Variants in RNASET2 observed in about 807,000 individuals in gnomAD.
RNASET2 encodes the protein ribonuclease T2, also known as ribonuclease 6.
In RNASET2, 28 loss-of-function variants were observed where a neutral mutation model predicts 33.9. The ratio of observed to expected loss-of-function variants is 0.83; its 90% CI spans 0.61 to 1.13. The LOEUF (loss-of-function observed/expected upper bound fraction) is 1.13. RNASET2 is among the 50% of genes most tolerant of loss of function. RNASET2 has a pLI of 0.00. For missense variants in RNASET2, 330 were observed against 319.9 expected, an observed-to-expected ratio of 1.03 and a Z score of -0.24; for synonymous variants, 123 against 121.0, an observed-to-expected ratio of 1.02 and a Z score of -0.11.
chr6:166,950,679 G>C (rs1342061348), intron 2 of RNASET2, among the ~76,000 whole-genome samples: 1 of 152,212 alleles, frequency 6.6e-6, no homozygotes, highest in African/African-American at 2.4e-5. Flanking sequence ...CTGGCTCTGG[G>C]TGCTCCAATG....
intron 1 of RNASET2, among the ~76,000 whole-genome samples, chr6:166,953,870 AC>A (rs1779044450): frequency 6.8e-6 from 1 of 147,044 alleles, no homozygotes; most frequent in Non-Finnish European, 1.5e-5. Context: ...ACACAGCCAG[AC>A]CCTGTCTCAA....
chr6:166,946,206 G>A (rs1778838905), intron 4 of RNASET2, among the ~76,000 whole-genome samples: 1 of 152,248 alleles, frequency 6.6e-6, no homozygotes, highest in East Asian at 1.9e-4. Context: ...GGCCCAGCAT[G>A]TCCACCTGCT....
intron 1 of RNASET2, 51 bp downstream of exon 1, chr6:166,956,046 C>A: frequency 6.6e-7 from 1 of 1,519,262 alleles, no homozygotes; most frequent in Non-Finnish European, 8.9e-7. Context: ...CAGTGGAAAG[C>A]TCTAGGGCCC....
chr6:166,952,765 G>C, intron 1 of RNASET2: 1 of 542,750 alleles, frequency 1.8e-6, no homozygotes, highest in Non-Finnish European at 3.4e-6. Context: ...GAGTGGCGGA[G>C]AACATGAATA....
At chr6:166,936,261 G>A (rs371778980) in intron 6 of RNASET2, among the ~76,000 whole-genome samples, 4 of 152,156 alleles carry the variant, frequency 2.6e-5, no homozygotes, top group East Asian at 3.8e-4. Flanking sequence ...AATGGAGGAC[G>A]CACCATTCCC....
At position 166,956,088 on chromosome 6, in the gene RNASET2, G is replaced by A. The variant is rs1455840781; in HGVS notation, c.86+9C>T. On this transcript the variant is annotated intron_variant, in intron 1 of 8. Transcript: ENST00000508775. Reference sequence around the variant, plus strand: ...CACGCTCCCCACTTTACCTCGCAAGGTAACTCACCGCAGGCGCTTGTCCGC... The same window carrying A: ...CACGCTCCCCACTTTACCTCGCAAGATAACTCACCGCAGGCGCTTGTCCGC... 1.9e-6 allele frequency: 3 copies of A among 1,551,778 alleles called. No homozygotes were observed. The highest frequency in any genetic ancestry group is 2.4e-5 in the East Asian group (1 of 40,966).
At chr6:166,942,819 C>T (rs1290160307) in intron 5 of RNASET2, among the ~76,000 whole-genome samples, 200 bp downstream of exon 5, 1 of 152,210 alleles carries the variant, frequency 6.6e-6, no homozygotes, top group Non-Finnish European at 1.5e-5. Flanking sequence ...CACTTGCTTT[C>T]AATTTTTTAT....
intron 4 of RNASET2, chr6:166,945,485 C>G (rs998242636): frequency 6.5e-6 from 1 of 154,290 alleles, no homozygotes; most frequent in Admixed American, 6.5e-5. Context: ...CCTCTTGGCT[C>G]ATCCCACTGA....
intron 3 of RNASET2, among the ~76,000 whole-genome samples, chr6:166,947,848 T>C (rs1389592194): frequency 6.6e-6 from 1 of 152,094 alleles, no homozygotes; most frequent in Non-Finnish European, 1.5e-5. Flanking sequence ...CACAAGTATG[T>C]CCATGTTACA....
chr6:166,922,253 G>C lies in RNASET2; in HGVS notation c.*7335C>G, dbSNP rs1778247174. Among the ~76,000 whole-genome samples, 1 of 152,154 alleles carries C rather than the reference G, an allele frequency of 6.6e-6. No homozygotes were observed. The highest frequency in any genetic ancestry group is 1.5e-5 in the Non-Finnish European group (1 of 68,040). ...AGAAGTATCTATAAATGTGATTATG[G>C]ATTACTCACTGACACACTCAAAAAG... On this transcript the variant is annotated 3_prime_UTR_variant, in exon 9 of 9. Transcript: ENST00000508775.
rs1202206941 is a variant in RNASET2 at position 166,925,391 on chromosome 6, G to A, written c.*4197C>T. Among the ~76,000 whole-genome samples, 2 of 148,486 alleles carry A rather than the reference G, an allele frequency of 1.3e-5. No homozygotes were observed. Among genetic ancestry groups the A allele is most frequent in the Non-Finnish European group, 3.0e-5 (2 of 67,450 alleles). On this transcript the variant is annotated 3_prime_UTR_variant, in exon 9 of 9. Coordinates refer to ENST00000508775, the MANE Select transcript of RNASET2 (RefSeq NM_003730.6). ...CTGCCACCCAGGCCTCATCTACACT[G>A]CCTAGCCCTCACCTCCCCTGTCCAG...
In RNASET2 at chr6:166,925,589, T is replaced by C. The variant is rs1460019582; in HGVS notation, c.*3999A>G. Among the ~76,000 whole-genome samples the C allele has an allele frequency of 1.3e-5, 2 of 152,010 alleles. No individual in the cohort carries two copies. Among genetic ancestry groups the C allele is most frequent in the Admixed American group, 1.3e-4 (2 of 15,266 alleles). On this transcript the variant is annotated 3_prime_UTR_variant, in exon 9 of 9. Coordinates refer to ENST00000508775, the MANE Select transcript of RNASET2 (RefSeq NM_003730.6). The stretch of plus-strand genomic sequence containing the variant: ...CTGTCTCTGCTGTCCAGTCCTCACC[T>C]ATGCCACATTGTCCGCATCTACACT...
At position 166,924,667 on chromosome 6, in the gene RNASET2, A is replaced by T. The variant is rs1778277581; in HGVS notation, c.*4921T>A. On this transcript the variant is annotated 3_prime_UTR_variant, in exon 9 of 9. Transcript: ENST00000508775. The stretch of plus-strand genomic sequence containing the variant: ...CCAACCTACCAGCATCAAATGCACC[A>T]GCTATGCTCCTCTTTTCCCTTGCCG... 6.6e-6 allele frequency among the ~76,000 whole-genome samples: 1 copy of T among 152,188 alleles called. No homozygotes were observed. Among genetic ancestry groups the T allele is most frequent in the Non-Finnish European group, 1.5e-5 (1 of 68,032 alleles).
In RNASET2 at chr6:166,929,178, G is replaced by A. The variant is rs569385949; in HGVS notation, c.*410C>T. ...CCCAGGCCCACCAGGCATCAGCGTG[G>A]GCTCCTGCCATGCGTGGAGCTCTTC... On this transcript the variant is annotated 3_prime_UTR_variant, in exon 9 of 9. Transcript: ENST00000508775. 6.6e-6 allele frequency among the ~76,000 whole-genome samples: 1 copy of A among 152,312 alleles called. No homozygotes were observed. Among genetic ancestry groups the A allele is most frequent in the Non-Finnish European group, 1.5e-5 (1 of 68,026 alleles).
Position 166,956,286 on chromosome 6 carries a change from C to G in RNASET2, c.-104G>C. 1 of 1,112,774 alleles carries G rather than the reference C, an allele frequency of 9.0e-7. No homozygotes were observed. 68.9% of individuals were successfully genotyped at this position (1,112,774 alleles called of 1,614,324 possible). On this transcript the variant is annotated 5_prime_UTR_variant, in exon 1 of 9. Coordinates refer to ENST00000508775, the MANE Select transcript of RNASET2 (RefSeq NM_003730.6). The stretch of plus-strand genomic sequence containing the variant: ...GGGAGAAACGCTGTCTCCGAGCCCC[C>G]GCGCCGCCGCGCTCCCTCCGCTGCA...
intron 7 of RNASET2, chr6:166,931,578 C>G (rs545199361): frequency 3.6e-5 from 7 of 194,808 alleles, no homozygotes; most frequent in Non-Finnish European, 6.4e-5. Context: ...AAGAAAGGCC[C>G]TGGGACCCCT....
rs144028757 is a variant in RNASET2, at chr6:166,927,162, CAT to C, written c.*2424_*2425del. 8.4e-4 allele frequency among the ~76,000 whole-genome samples: 128 copies of C among 152,328 alleles called. No individual in the cohort carries two copies. Among genetic ancestry groups the C allele is most frequent in the Middle Eastern group, 3.4e-3 (1 of 294 alleles). ...ACCTACTTGTTTAATGATGTAAAAA[CAT>C]GTGCTTGGATCTGATCTCCATCACT... On this transcript the variant is annotated 3_prime_UTR_variant, in exon 9 of 9. Coordinates refer to ENST00000508775, the MANE Select transcript of RNASET2 (RefSeq NM_003730.6).
intron 3 of RNASET2, among the ~76,000 whole-genome samples, chr6:166,947,056 G>A (rs941955310): frequency 2.6e-5 from 4 of 152,038 alleles, no homozygotes; most frequent in Admixed American, 1.3e-4. Context: ...GGTCAGCCCC[G>A]GCTGGGTTGA....
In RNASET2 at chr6:166,956,240, T is replaced by C. The variant is rs942203058; in HGVS notation, c.-58A>G. On this transcript the variant is annotated 5_prime_UTR_variant, in exon 1 of 9. Coordinates refer to ENST00000508775, the MANE Select transcript of RNASET2 (RefSeq NM_003730.6). ...GCCGCTCCGGCTCCCACTTCCCACC[T>C]GCTGCCCGAGGAAGACTTCCGGGAG... 93 of 1,435,932 alleles carry C rather than the reference T, an allele frequency of 6.5e-5. No homozygotes were observed. The highest frequency in any genetic ancestry group is 8.6e-5 in the Non-Finnish European group (90 of 1,044,106). The allele number at this position is 1,435,932 out of a possible 1,614,324, so 88.9% of individuals were successfully genotyped here. A position where few individuals can be genotyped will look rare whatever the true frequency, so the allele number is the denominator to read the frequency against.
Sources: gnomAD v4.1 joint callset for allele counts (sites outside exome capture counted in the v4.1 genomes callset) on GRCh38, gnomAD v4.1.1 for gene constraint, MANE v1.5 for transcripts, NCBI Gene and HGNC (gene_info 2026-07-23, HGNC 2026-07-21) for gene names.